CHN2: variants seen among roughly 807,000 people sequenced by gnomAD.
CHN2 encodes the protein beta-chimaerin.
A neutral mutation model predicts 56.3 loss-of-function variants in CHN2; 35 were observed. The observed-to-expected ratio is 0.62, with a 90% confidence interval of 0.47 to 0.82. CHN2 has a LOEUF of 0.82. Ranked by LOEUF, CHN2 falls within the 40% of genes least tolerant of loss-of-function variation. CHN2 has a pLI of 0.00. For synonymous variants in CHN2, 210 were observed against 212.8 expected (o/e 0.99, Z 0.12); for missense variants, 491 against 580.5 (o/e 0.85, Z 1.58).
At chr7:29,304,258 G>A (rs1793959035) in intron 1 of CHN2, among the ~76,000 whole-genome samples, 1 of 152,124 alleles carries the variant, frequency 6.6e-6, no homozygotes, top group Non-Finnish European at 1.5e-5. Flanking sequence ...AGGCAGAACA[G>A]AGCCAACCCA....
At chr7:29,358,823 A>G (rs1798522398) in intron 2 of CHN2, among the ~76,000 whole-genome samples, 2 of 152,206 alleles carry the variant, frequency 1.3e-5, no homozygotes, top group South Asian at 4.1e-4. Context: ...GCAACAGAAT[A>G]CTACTCTCAA....
chr7:29,218,297 G>C (rs1391237854), intron 1 of CHN2, among the ~76,000 whole-genome samples: 1 of 151,984 alleles, frequency 6.6e-6, no homozygotes, highest in Non-Finnish European at 1.5e-5. Context: ...GGCATGTGGA[G>C]TGGTGGAATC....
intron 6 of CHN2, chr7:29,479,975 T>G: frequency 6.8e-7 from 1 of 1,462,102 alleles, no homozygotes; most frequent in Non-Finnish European, 9.0e-7. Flanking sequence ...TCAGGTCACA[T>G]GCCGGAGGCT....
At chr7:29,433,162 G>T (rs1313624313) in intron 6 of CHN2, among the ~76,000 whole-genome samples, 3 of 152,182 alleles carry the variant, frequency 2.0e-5, no homozygotes, top group Non-Finnish European at 4.4e-5. Context: ...ATGCCGTGGG[G>T]GGAGATTTTT....
At chr7:29,220,883 T>A (rs555758809) in intron 1 of CHN2, among the ~76,000 whole-genome samples, 1 of 152,304 alleles carries the variant, frequency 6.6e-6, no homozygotes, top group South Asian at 2.1e-4. Flanking sequence ...CTTAAAATAT[T>A]TGATTAGCAA....
At chr7:29,444,144 A>G (rs1783866363) in intron 6 of CHN2, among the ~76,000 whole-genome samples, 1 of 152,232 alleles carries the variant, frequency 6.6e-6, no homozygotes, top group South Asian at 2.1e-4. Context: ...TCCCTGTAAC[A>G]AACAAATAAA....
intron 1 of CHN2, among the ~76,000 whole-genome samples, chr7:29,286,037 T>G (rs1381209063): frequency 6.6e-6 from 1 of 152,106 alleles, no homozygotes; most frequent in African/African-American, 2.4e-5. Context: ...GTACAGGCAT[T>G]AAGTCCATTT....
At chr7:29,507,671 A>G (rs1457908763) in intron 11 of CHN2, among the ~76,000 whole-genome samples, 1 of 152,220 alleles carries the variant, frequency 6.6e-6, no homozygotes, top group South Asian at 2.1e-4. Context: ...CAGAAAAAAA[A>G]GTCTTCAATG....
chr7:29,404,388 T>TG (rs1366407274), intron 6 of CHN2, among the ~76,000 whole-genome samples: 1 of 152,180 alleles, frequency 6.6e-6, no homozygotes, highest in Non-Finnish European at 1.5e-5. Flanking sequence ...TGTGTTTTAG[T>TG]GGGGAAAAAA....
chr7:29,343,642 T>C (rs1027004516), intron 1 of CHN2, among the ~76,000 whole-genome samples: 1 of 152,118 alleles, frequency 6.6e-6, no homozygotes, highest in Non-Finnish European at 1.5e-5. Flanking sequence ...GTGCTTTGCC[T>C]TTCATGTCGC....
At chr7:29,175,132 G>A (rs1797120990) in intron 2 of CHN2, among the ~76,000 whole-genome samples, 1 of 151,674 alleles carries the variant, frequency 6.6e-6, no homozygotes, top group Admixed American at 6.6e-5. Flanking sequence ...CTGTTCTCAT[G>A]GCAGTGAATA....
intron 6 of CHN2, among the ~76,000 whole-genome samples, chr7:29,470,020 C>T (rs1479049588): frequency 1.3e-5 from 2 of 152,222 alleles, no homozygotes; most frequent in African/African-American, 4.8e-5. Flanking sequence ...TGCATTAAAA[C>T]AGAGCATAGG....
intron 2 of CHN2, among the ~76,000 whole-genome samples, chr7:29,185,081 A>AT (rs914618920): frequency 6.6e-6 from 1 of 152,130 alleles, no homozygotes; most frequent in Non-Finnish European, 1.5e-5. Flanking sequence ...GTTGTGAGAT[A>AT]TTTTTTCTCC....
At chr7:29,162,724 C>T (rs189466704) in intron 2 of CHN2, among the ~76,000 whole-genome samples, 100 of 149,700 alleles carry the variant, frequency 6.7e-4, no homozygotes, top group African/African-American at 2.4e-3. Context: ...AAGGATTACA[C>T]ATTGTATGAT....
rs1310795045 is a variant in CHN2 at position 29,400,540 on chromosome 7, C to T, written c.291-3C>T. The stretch of plus-strand genomic sequence containing the variant: ...TTGTAATCCCTCATTCTCTCACGGG[C>T]AGGTTTGGAAACCAGACCTTAAACT... On this transcript the variant is annotated splice_region_variant and splice_polypyrimidine_tract_variant and intron_variant, in intron 5 of 12. Transcript: ENST00000222792. The T allele has an allele frequency of 7.4e-6, 12 of 1,613,114 alleles. No homozygotes were observed. Among genetic ancestry groups the T allele is most frequent in the Non-Finnish European group, 1.0e-5 (12 of 1,179,468 alleles).
At chr7:29,259,156 C>A (rs1276252748) in intron 1 of CHN2, among the ~76,000 whole-genome samples, 1 of 151,918 alleles carries the variant, frequency 6.6e-6, no homozygotes, top group Non-Finnish European at 1.5e-5. Context: ...GGTGAAACTG[C>A]AACTCTGCAA....
At chr7:29,177,660 A>G (rs1278751459) in intron 2 of CHN2, among the ~76,000 whole-genome samples, 1 of 149,094 alleles carries the variant, frequency 6.7e-6, no homozygotes, top group African/African-American at 2.5e-5. Flanking sequence ...ATCTATTAAT[A>G]TCTACCTATT....
In CHN2 at chr7:29,273,367, A is replaced by ATATGTGTG. The variant is rs1321870002; in HGVS notation, c.49+78380_49+78381insGTGTGTAT. ...TGTATATATATATATATATATATAT[A>ATATGTGTG]TATATATATATATATATATATACAC... On this transcript the variant is annotated intron_variant, in intron 1 of 12. Transcript: ENST00000222792. Among the ~76,000 whole-genome samples the ATATGTGTG allele has an allele frequency of 3.9e-5, 2 of 50,866 alleles. 1 individual carries two copies. 33.4% of individuals were successfully genotyped at this position (50,866 alleles called of 152,430 possible). A position where few individuals can be genotyped will look rare whatever the true frequency, so the allele number is the denominator to read the frequency against.
At chr7:29,324,505 GC>G (rs1204955538) in intron 1 of CHN2, among the ~76,000 whole-genome samples, 2 of 152,070 alleles carry the variant, frequency 1.3e-5, no homozygotes, top group African/African-American at 4.8e-5. Flanking sequence ...TAGAATTTTT[GC>G]AAAGCCATTT....
Sources: allele counts gnomAD v4.1 joint callset (sites outside exome capture counted in the v4.1 genomes callset), GRCh38; gene constraint gnomAD v4.1.1; transcripts MANE v1.5; gene names NCBI Gene and HGNC (gene_info 2026-07-23, HGNC 2026-07-21).